VPS9D1: variants seen among roughly 807,000 people sequenced by gnomAD.
VPS9D1 encodes the protein VPS9 domain containing 1, also known as VPS9 domain-containing protein 1.
VPS9D1 carries 78 observed loss-of-function variants against 75.8 expected under a neutral mutation model. That is an observed-to-expected ratio of 1.03 (90% CI 0.86 to 1.24). The LOEUF (loss-of-function observed/expected upper bound fraction) is 1.24. VPS9D1 is among the 50% of genes most tolerant of loss of function. The pLI is 0.00. For missense variants in VPS9D1, 1,057 were observed against 847.7 expected (o/e 1.25, Z -3.07); for synonymous variants, 481 against 385.6 (o/e 1.25, Z -2.90).
At position 89,710,671 on chromosome 16, in the gene VPS9D1, C is replaced by T. The variant is rs2060894795; in HGVS notation, c.1173G>A (p.Glu391=). ...GTACCCCACGGCCCCGGCCCTGCCG[C>T]TCAGACGTCCCCAGGAACTGCTCCA... The part of the protein sequence containing the change: ...EDLEQFLGTS[E]RQGRGRGVQP... The change falls in exon 10 of 15, where the codon GAG becomes GAA. Residue 391 remains glutamate, a synonymous_variant. Coordinates refer to ENST00000389386, the MANE Select transcript of VPS9D1 (RefSeq NM_004913.3). 1 of 1,611,904 alleles carries T rather than the reference C, an allele frequency of 6.2e-7. No homozygotes were observed. The highest frequency in any genetic ancestry group is 8.5e-7 in the Non-Finnish European group (1 of 1,179,602).
At chr16:89,717,585 ACTT>A (rs1354188083) in intron 2 of VPS9D1, 1 of 455,600 alleles carries the variant, frequency 2.2e-6, no homozygotes, top group Non-Finnish European at 4.4e-6. Context: ...TTCACAGAAA[ACTT>A]CTCATAGACT....
chr16:89,709,687 C>T, intron 11 of VPS9D1, 90 bp downstream of exon 11: 1 of 1,584,582 alleles, frequency 6.3e-7, no homozygotes, highest in Non-Finnish European at 8.6e-7. Flanking sequence ...TGGAGGGGAG[C>T]AGACAGTGCC....
chr16:89,716,103 C>CA (rs1485659108), intron 4 of VPS9D1, among the ~76,000 whole-genome samples: 2 of 151,906 alleles, frequency 1.3e-5, no homozygotes, highest in Non-Finnish European at 2.9e-5. Flanking sequence ...CGCGGTGACT[C>CA]ACGCTGTAAT....
intron 4 of VPS9D1, among the ~76,000 whole-genome samples, chr16:89,715,492 C>T (rs575106586): frequency 6.6e-6 from 1 of 151,852 alleles, no homozygotes; most frequent in South Asian, 2.1e-4. Context: ...TCCCAAAGTG[C>T]TGGGATTACA....
At chr16:89,711,750 C>T in intron 8 of VPS9D1, 132 bp downstream of exon 8, 2 of 1,126,550 alleles carry the variant, frequency 1.8e-6, no homozygotes, top group Non-Finnish European at 1.2e-6. Flanking sequence ...CTCCCACGGG[C>T]CTCTGGCCCC....
At position 89,717,657 on chromosome 16, in the gene VPS9D1, C is replaced by T. The variant is rs76378121; in HGVS notation, c.176-835G>A. 8.6e-3 allele frequency: 3,908 copies of T among 456,542 alleles called. 422 individuals carry two copies. In the East Asian group the frequency reaches 0.21, roughly 25 times the overall value. The allele number at this position is 456,542 out of a possible 1,614,324, so 28.3% of individuals were successfully genotyped here. A position where few individuals can be genotyped will look rare whatever the true frequency, so the allele number is the denominator to read the frequency against. ...GACTCCCCCCGGAAACTGCCCTTAC[C>T]CGTCCCCACCTTGCCAGACACGGTG... On this transcript the variant is annotated intron_variant, in intron 2 of 14. Coordinates refer to ENST00000389386, the MANE Select transcript of VPS9D1 (RefSeq NM_004913.3).
In VPS9D1 at chr16:89,711,772, G is replaced by GC. The variant is rs924216948; in HGVS notation, c.747+109dup. 2.2e-4 allele frequency: 276 copies of GC among 1,274,132 alleles called. 1 individual carries two copies. The East Asian group carries it at 2.2e-3, about 10-fold the overall frequency. 78.9% of individuals were successfully genotyped at this position (1,274,132 alleles called of 1,614,324 possible). A position where few individuals can be genotyped will look rare whatever the true frequency, so the allele number is the denominator to read the frequency against. ...GGGCCTCTGGCCCCGCCCCCTCACT[G>GC]CCCCCCACAGCCTCTGGCTCCGCCC... On this transcript the variant is annotated intron_variant, in intron 8 of 14. Transcript: ENST00000389386.
rs2061242341 is a variant in VPS9D1, at chr16:89,720,764, C to T, written c.98G>A (p.Arg33Gln). The stretch of plus-strand genomic sequence containing the variant: ...AGCCCCGCCCCCGCCCCGCCTCACC[C>T]GGGGCCGGTTGCCGGTGTCCAGCTC... ...AIELDTGNRP[R>Q]EAYTEYLRSI... Residue 33 changes from arginine (R) to glutamine (Q), a missense_variant and splice_region_variant, in exon 1 of 15, where the codon CGG (arginine) becomes CAG (glutamine). Physicochemically the swap from Arg to Gln is conservative, Grantham distance 43. Transcript: ENST00000389386. 1 of 1,450,030 alleles carries T rather than the reference C, an allele frequency of 6.9e-7. No homozygotes were observed. The highest frequency in any genetic ancestry group is 3.1e-5 in the East Asian group (1 of 32,000). The allele number at this position is 1,450,030 out of a possible 1,614,324, so 89.8% of individuals were successfully genotyped here. A position where few individuals can be genotyped will look rare whatever the true frequency, so the allele number is the denominator to read the frequency against.
In VPS9D1 at chr16:89,709,819, G is replaced by T; in HGVS notation, c.1346C>A (p.Pro449His). 1 of 1,613,728 alleles carries T rather than the reference G, an allele frequency of 6.2e-7. No individual in the cohort carries two copies. Among genetic ancestry groups the T allele is most frequent in the Non-Finnish European group, 8.5e-7 (1 of 1,179,946 alleles). The change falls in exon 11 of 15, where the codon CCC becomes CAC. Residue 449 changes from proline to histidine, a missense_variant. Pro to His is a moderately conservative substitution (Grantham distance 77). Coordinates refer to ENST00000389386, the MANE Select transcript of VPS9D1 (RefSeq NM_004913.3). ...CAGAGGCCACAGCGGGGAGAAAAAG[G>T]GTTCCTCAATGCAGGCCAGGCAGCG... ...KDRCLACIEE[P>H]FFSPLWPLLL...
intron 1 of VPS9D1, among the ~76,000 whole-genome samples, chr16:89,719,684 T>C (rs780909080): frequency 1.3e-5 from 2 of 152,178 alleles, no homozygotes; most frequent in Non-Finnish European, 2.9e-5. Flanking sequence ...GTGACCCCTC[T>C]GACAAGGCAC....
intron 2 of VPS9D1, chr16:89,717,830 CT>C (rs1227701596): frequency 6.6e-6 from 3 of 456,580 alleles, no homozygotes; most frequent in South Asian, 3.1e-5. Context: ...TTAGCTCCCC[CT>C]GACCTGTGTG....
At chr16:89,714,695 T>G (rs1049857419) in intron 4 of VPS9D1, among the ~76,000 whole-genome samples, 1 of 152,216 alleles carries the variant, frequency 6.6e-6, no homozygotes, top group East Asian at 1.9e-4. Context: ...TCTAGACAAC[T>G]GTCTGCCATT....
At chr16:89,717,740 ACTC>A (rs1324681896) in intron 2 of VPS9D1, 2 of 454,564 alleles carry the variant, frequency 4.4e-6, no homozygotes, top group Non-Finnish European at 8.8e-6. Context: ...ATCCTCTGCC[ACTC>A]CTCCACCCAA....
At chr16:89,709,489 A>G in intron 11 of VPS9D1, 54 bp from the exon 12 acceptor site, 1 of 1,469,774 alleles carries the variant, frequency 6.8e-7, no homozygotes, top group South Asian at 1.4e-5. Flanking sequence ...CCCTGGGGAC[A>G]GAAGCAGGGC....
At chr16:89,717,277 G>A (rs1029425045) in intron 2 of VPS9D1, 7 of 310,292 alleles carry the variant, frequency 2.3e-5, no homozygotes, top group African/African-American at 1.6e-4. Flanking sequence ...GCCCCTCATC[G>A]AGGCCCGTCA....
intron 8 of VPS9D1, 93 bp downstream of exon 8, chr16:89,711,789 G>A (rs2060932780): frequency 5.0e-6 from 7 of 1,398,772 alleles, no homozygotes; most frequent in Non-Finnish European, 6.7e-6. Flanking sequence ...ACAGCCTCTG[G>A]CTCCGCCCCC....
intron 2 of VPS9D1, among the ~76,000 whole-genome samples, chr16:89,718,321 G>A: frequency 6.6e-6 from 1 of 152,104 alleles, no homozygotes; most frequent in East Asian, 1.9e-4. Context: ...CCACTCCCAG[G>A]CTGTCCTCTC....
chr16:89,711,028 G>A lies in VPS9D1; in HGVS notation c.834-18C>T, dbSNP rs1473572283. The A allele has an allele frequency of 1.4e-6, 2 of 1,435,898 alleles. No individual in the cohort carries two copies. The highest frequency in any genetic ancestry group is 1.4e-5 in the African/African-American group (1 of 69,618). The allele number at this position is 1,435,898 out of a possible 1,614,324, so 88.9% of individuals were successfully genotyped here. A position where few individuals can be genotyped will look rare whatever the true frequency, so the allele number is the denominator to read the frequency against. ...CGGGGAGGCTGCGGGAGAAGAGGAC[G>A]TGAGAACGCGGCCAGCCTCGGCCTC... is the stretch of plus-strand genomic sequence containing the variant. On this transcript the variant is annotated intron_variant, in intron 9 of 14. Coordinates refer to ENST00000389386, the MANE Select transcript of VPS9D1 (RefSeq NM_004913.3).
In VPS9D1 at chr16:89,712,397, C is replaced by T. The variant is rs2060953532; in HGVS notation, c.606+63G>A. ...GCTCCCCTCGCTGCCCCCTTCTCTG[C>T]CCTTGGCTCAAGGCCACACTGAGTT... is the stretch of plus-strand genomic sequence containing the variant. On this transcript the variant is annotated intron_variant, in intron 6 of 14. Coordinates refer to ENST00000389386, the MANE Select transcript of VPS9D1 (RefSeq NM_004913.3). The T allele has an allele frequency of 2.5e-6, 4 of 1,603,094 alleles. No homozygotes were observed. In the East Asian group the frequency reaches 8.9e-5, roughly 36 times the overall value.
Sources: gnomAD v4.1 joint callset for allele counts (sites outside exome capture counted in the v4.1 genomes callset) on GRCh38, gnomAD v4.1.1 for gene constraint, MANE v1.5 for transcripts, NCBI Gene and HGNC (gene_info 2026-07-23, HGNC 2026-07-21) for gene names.